Variants in BRINP3 observed in about 807,000 individuals in gnomAD.
BRINP3 encodes the protein BMP/retinoic acid inducible neural specific 3.
In BRINP3, 19 loss-of-function variants were observed where a neutral mutation model predicts 71.0. That is an observed-to-expected ratio of 0.27 (90% CI 0.19 to 0.39). The LOEUF is 0.39. Ranked by LOEUF, BRINP3 falls within the 10% of genes least tolerant of loss-of-function variation. The pLI, the probability that BRINP3 is intolerant of heterozygous loss-of-function variation, is 1.00. For missense variants in BRINP3, 959 were observed against 940.8 expected (o/e 1.02, Z -0.25); for synonymous variants, 380 against 337.7 (o/e 1.13, Z -1.37).
intron 5 of BRINP3, among the ~76,000 whole-genome samples, chr1:190,232,415 A>G (rs1658081018): frequency 6.6e-6 from 1 of 152,066 alleles, no homozygotes. Flanking sequence ...GATTGTAAAT[A>G]CCAATTAAAT....
intron 2 of BRINP3, among the ~76,000 whole-genome samples, chr1:190,422,319 G>A (rs1673440347): frequency 6.6e-6 from 1 of 151,714 alleles, no homozygotes; most frequent in African/African-American, 2.4e-5. Context: ...GCATAGAGAT[G>A]GTTGACATAT....
chr1:190,243,377 A>G (rs996382402), intron 4 of BRINP3, among the ~76,000 whole-genome samples: 3 of 152,090 alleles, frequency 2.0e-5, no homozygotes, highest in African/African-American at 7.2e-5. Context: ...AATCACAGCA[A>G]CTATAAAAAA....
At chr1:190,178,926 A>G (rs915318643) in intron 6 of BRINP3, among the ~76,000 whole-genome samples, 7 of 152,150 alleles carry the variant, frequency 4.6e-5, no homozygotes, top group African/African-American at 1.7e-4. Flanking sequence ...CATGAATGAA[A>G]TTTGATTATC....
chr1:190,419,947 G>T (rs187610836), intron 2 of BRINP3, among the ~76,000 whole-genome samples: 68 of 151,820 alleles, frequency 4.5e-4, no homozygotes, highest in Non-Finnish European at 8.8e-4. Flanking sequence ...TTCTTGAGAG[G>T]TTATACAAAT....
At chr1:190,216,013 T>C (rs1379034603) in intron 6 of BRINP3, among the ~76,000 whole-genome samples, 1 of 150,070 alleles carries the variant, frequency 6.7e-6, no homozygotes, top group Non-Finnish European at 1.5e-5. Context: ...GTTTTTTATT[T>C]ATCCAAAAAA....
At chr1:190,162,686 G>A (rs995112134) in intron 6 of BRINP3, among the ~76,000 whole-genome samples, 1 of 152,032 alleles carries the variant, frequency 6.6e-6, no homozygotes, top group Non-Finnish European at 1.5e-5. Flanking sequence ...TTCATTGTTT[G>A]TTATAATAGT....
rs1380886490 is a variant in BRINP3, at chr1:190,108,571, G to T, written c.1185-9437C>A. Among the ~76,000 whole-genome samples the T allele has an allele frequency of 2.0e-5, 3 of 149,730 alleles. No individual in the cohort carries two copies. The East Asian group carries it at 5.9e-4, about 29-fold the overall frequency. On this transcript the variant is annotated intron_variant, in intron 7 of 7. Coordinates refer to ENST00000367462, the MANE Select transcript of BRINP3 (RefSeq NM_199051.3). The stretch of plus-strand genomic sequence containing the variant: ...TGTTTACAGAAAATAAAATCAGAAT[G>T]TATAAAATGACTGTTCTAAAGACAG...
rs74129265 is a variant in BRINP3 at position 190,271,243 on chromosome 1, T to C, written c.428-6188A>G. On this transcript the variant is annotated intron_variant, in intron 3 of 7. Coordinates refer to ENST00000367462, the MANE Select transcript of BRINP3 (RefSeq NM_199051.3). ...ACAGAAATGTATAATCAGTTTTAGTTTAGATGTAAGTGTACCAAGTTTTAC... is the reference window on the plus strand; with the variant it reads ...ACAGAAATGTATAATCAGTTTTAGTCTAGATGTAAGTGTACCAAGTTTTAC... 3.3e-3 allele frequency among the ~76,000 whole-genome samples: 495 copies of C among 151,730 alleles called. 2 individuals are homozygous for C. The highest frequency in any genetic ancestry group is 0.011 in the African/African-American group (461 of 41,516).
At chr1:190,420,027 A>G (rs1274157416) in intron 2 of BRINP3, among the ~76,000 whole-genome samples, 2 of 152,008 alleles carry the variant, frequency 1.3e-5, no homozygotes, top group Non-Finnish European at 2.9e-5. Context: ...TCATATTTAT[A>G]ACAAATCTAT....
At chr1:190,410,314 T>C (rs1672580204) in intron 2 of BRINP3, among the ~76,000 whole-genome samples, 1 of 152,124 alleles carries the variant, frequency 6.6e-6, no homozygotes, top group Non-Finnish European at 1.5e-5. Flanking sequence ...AGATGAATAT[T>C]ATTGCCTGTC....
intron 6 of BRINP3, among the ~76,000 whole-genome samples, chr1:190,220,219 A>G (rs1210317872): frequency 6.6e-6 from 1 of 152,180 alleles, no homozygotes; most frequent in Non-Finnish European, 1.5e-5. Flanking sequence ...AGAAGCAAAA[A>G]GGATGAGTTC....
At chr1:190,331,199 A>C (rs1571768834) in intron 2 of BRINP3, among the ~76,000 whole-genome samples, 1 of 152,130 alleles carries the variant, frequency 6.6e-6, no homozygotes, top group East Asian at 1.9e-4. Context: ...TCATCATTCT[A>C]TAGCCTATTA....
intron 2 of BRINP3, among the ~76,000 whole-genome samples, chr1:190,328,351 A>C (rs777046812): frequency 1.6e-4 from 25 of 152,114 alleles, no homozygotes; most frequent in Admixed American, 5.2e-4. Context: ...TCAAATAAGC[A>C]CAATCAGATA....
At chr1:190,124,390 A>G (rs930157482) in intron 7 of BRINP3, among the ~76,000 whole-genome samples, 1 of 152,120 alleles carries the variant, frequency 6.6e-6, no homozygotes, top group African/African-American at 2.4e-5. Context: ...TGGTCAGTGG[A>G]ACTCTGTTAA....
At chr1:190,348,493 A>C (rs2102030387) in intron 2 of BRINP3, among the ~76,000 whole-genome samples, 1 of 152,228 alleles carries the variant, frequency 6.6e-6, no homozygotes, top group East Asian at 1.9e-4. Flanking sequence ...TCTTAAATTC[A>C]GTTTGTTTCT....
At chr1:190,392,526 G>A (rs1471398633) in intron 2 of BRINP3, among the ~76,000 whole-genome samples, 2 of 151,612 alleles carry the variant, frequency 1.3e-5, no homozygotes, top group East Asian at 3.9e-4. Flanking sequence ...ACATTGTACT[G>A]CAGTTTCGAT....
chr1:190,411,421 T>G (rs1323093959), intron 2 of BRINP3, among the ~76,000 whole-genome samples: 3 of 152,078 alleles, frequency 2.0e-5, no homozygotes, highest in Non-Finnish European at 4.4e-5. Context: ...AGCAATACAC[T>G]AGAGTCTACA....
At chr1:190,363,533 C>G (rs1201159655) in intron 2 of BRINP3, among the ~76,000 whole-genome samples, 1 of 151,930 alleles carries the variant, frequency 6.6e-6, no homozygotes, top group South Asian at 2.1e-4. Flanking sequence ...TTATAAGAAA[C>G]TTGGAATTTT....
At chr1:190,337,352 G>T (rs1257247163) in intron 2 of BRINP3, among the ~76,000 whole-genome samples, 3 of 151,988 alleles carry the variant, frequency 2.0e-5, no homozygotes, top group Non-Finnish European at 4.4e-5. Context: ...CCAAAATATT[G>T]TTCCTAGTTA....
Sources: gnomAD v4.1 joint callset for allele counts (sites outside exome capture counted in the v4.1 genomes callset) on GRCh38, gnomAD v4.1.1 for gene constraint, MANE v1.5 for transcripts, NCBI Gene and HGNC (gene_info 2026-07-23, HGNC 2026-07-21) for gene names.